The following UNC5C variants were observed in gnomAD, a reference collection of about 807,000 sequenced individuals.
UNC5C encodes unc-5 netrin receptor C, also known as netrin receptor UNC5C.
A neutral mutation model predicts 99.8 loss-of-function variants in UNC5C; 47 were observed. That is an observed-to-expected ratio of 0.47 (90% CI 0.37 to 0.60). The LOEUF is 0.60. Ranked by LOEUF, UNC5C falls within the 20% of genes least tolerant of loss-of-function variation. UNC5C has a pLI of 0.00. For synonymous variants in UNC5C, 487 were observed against 452.2 expected (o/e 1.08, Z -0.98); for missense variants, 1,062 against 1,165.9 (o/e 0.91, Z 1.30).
In UNC5C at chr4:95,169,012, A is replaced by G. The variant is rs1012310239; in HGVS notation, c.*222T>C. 2 of 541,582 alleles carry G rather than the reference A, an allele frequency of 3.7e-6. No homozygotes were observed. The highest frequency in any genetic ancestry group is 3.8e-5 in the African/African-American group (2 of 53,202). The allele number at this position is 541,582 out of a possible 1,614,324, so 33.5% of individuals were successfully genotyped here. A position where few individuals can be genotyped will look rare whatever the true frequency, so the allele number is the denominator to read the frequency against. ...GAAAATTAGGTTGATAGCTAAATTC[A>G]AGGTACAAATTTACACAATTTTTCT... On this transcript the variant is annotated 3_prime_UTR_variant, in exon 16 of 16. Coordinates refer to ENST00000453304, the MANE Select transcript of UNC5C (RefSeq NM_003728.4).
chr4:95,502,008 TGAA>T (rs1721788296), intron 1 of UNC5C, among the ~76,000 whole-genome samples: 1 of 152,172 alleles, frequency 6.6e-6, no homozygotes, highest in Admixed American at 6.5e-5. Context: ...AATCAGCCTC[TGAA>T]GAAGTGACCA....
At chr4:95,443,624 T>C (rs576799519) in intron 1 of UNC5C, among the ~76,000 whole-genome samples, 1 of 152,340 alleles carries the variant, frequency 6.6e-6, no homozygotes, top group African/African-American at 2.4e-5. Flanking sequence ...TTAAAAATGT[T>C]TTCCTTTTAT....
chr4:95,271,890 C>T (rs1211836955), intron 4 of UNC5C, among the ~76,000 whole-genome samples: 1 of 152,192 alleles, frequency 6.6e-6, no homozygotes, highest in Non-Finnish European at 1.5e-5. Context: ...TTCCTCCTTG[C>T]TCACTGGGTC....
chr4:95,416,232 G>T (rs1746161758), intron 1 of UNC5C, among the ~76,000 whole-genome samples: 1 of 152,142 alleles, frequency 6.6e-6, no homozygotes, highest in Admixed American at 6.5e-5. Context: ...TTACTTTAGG[G>T]ACTAGACTAA....
intron 1 of UNC5C, among the ~76,000 whole-genome samples, chr4:95,470,220 G>A (rs573059984): frequency 6.6e-6 from 1 of 151,776 alleles, no homozygotes; most frequent in East Asian, 1.9e-4. Context: ...TACATTTCTA[G>A]GCTACTCGAG....
chr4:95,384,180 C>T (rs1359260618), intron 1 of UNC5C, among the ~76,000 whole-genome samples: 1 of 152,064 alleles, frequency 6.6e-6, no homozygotes, highest in African/African-American at 2.4e-5. Flanking sequence ...CCCATCTGTA[C>T]CTACTTTTTT....
At position 95,381,617 on chromosome 4, in the gene UNC5C, T is replaced by C. The variant is rs368577786; in HGVS notation, c.125-45986A>G. On this transcript the variant is annotated intron_variant, in intron 1 of 15. Coordinates refer to ENST00000453304, the MANE Select transcript of UNC5C (RefSeq NM_003728.4). ...TTTGGAATATGTCTAAACTCAGATA[T>C]TAGAATGTCACATCAAATTGTACCA... Among the ~76,000 whole-genome samples, 9 of 152,178 alleles carry C rather than the reference T, an allele frequency of 5.9e-5. No individual in the cohort carries two copies. The East Asian group carries it at 1.5e-3, about 26-fold the overall frequency.
intron 14 of UNC5C, among the ~76,000 whole-genome samples, chr4:95,181,486 C>T (rs980191728): frequency 9.2e-5 from 14 of 152,144 alleles, no homozygotes; most frequent in African/African-American, 3.4e-4. Context: ...TCACCCCCCT[C>T]CAAAATTCCG....
intron 2 of UNC5C, among the ~76,000 whole-genome samples, chr4:95,317,533 T>G (rs750879414): frequency 1.2e-4 from 18 of 152,238 alleles, no homozygotes; most frequent in Non-Finnish European, 2.1e-4. Context: ...GGCAACAATG[T>G]GGAGAAAGAA....
chr4:95,531,150 TC>T (rs1722632587), intron 1 of UNC5C, among the ~76,000 whole-genome samples: 1 of 152,354 alleles, frequency 6.6e-6, no homozygotes, highest in African/African-American at 2.4e-5. Flanking sequence ...CTTAAATTTT[TC>T]TTTGTTTCCA....
intron 1 of UNC5C, among the ~76,000 whole-genome samples, chr4:95,391,293 G>A (rs1280800027): frequency 6.6e-6 from 1 of 152,138 alleles, no homozygotes; most frequent in Non-Finnish European, 1.5e-5. Flanking sequence ...TAGGGACCAA[G>A]TCTCACTATG....
intron 1 of UNC5C, among the ~76,000 whole-genome samples, chr4:95,385,029 G>A (rs1398796354): frequency 6.6e-6 from 1 of 152,028 alleles, no homozygotes; most frequent in South Asian, 2.1e-4. Context: ...TTGTGCCCAG[G>A]GGGAGGTCTG....
intron 3 of UNC5C, among the ~76,000 whole-genome samples, chr4:95,286,530 T>C (rs184723883): frequency 5.9e-5 from 9 of 152,364 alleles, no homozygotes; most frequent in Admixed American, 5.2e-4. Context: ...TGGGTCCGTG[T>C]TGGTGTGTCC....
chr4:95,339,920 C>A (rs1420443929), intron 1 of UNC5C, among the ~76,000 whole-genome samples: 3 of 151,714 alleles, frequency 2.0e-5, no homozygotes, highest in Non-Finnish European at 4.4e-5. Flanking sequence ...ATTCATTTTA[C>A]CCTCCTCTGA....
At chr4:95,240,261 G>C (rs1393102354) in intron 7 of UNC5C, among the ~76,000 whole-genome samples, 1 of 152,072 alleles carries the variant, frequency 6.6e-6, no homozygotes, top group Non-Finnish European at 1.5e-5. Flanking sequence ...AGAAGCCTTT[G>C]TTTTCCAAAA....
At chr4:95,221,449 CTCA>C (rs1231194374) in intron 7 of UNC5C, among the ~76,000 whole-genome samples, 1 of 152,164 alleles carries the variant, frequency 6.6e-6, no homozygotes, top group Non-Finnish European at 1.5e-5. Flanking sequence ...GGTGAAATAA[CTCA>C]TCATTTCATT....
intron 1 of UNC5C, among the ~76,000 whole-genome samples, chr4:95,347,115 C>T (rs938672241): frequency 3.3e-5 from 5 of 151,930 alleles, no homozygotes; most frequent in African/African-American, 1.2e-4. Flanking sequence ...TTTCTATATG[C>T]CAACAGCAAA....
At chr4:95,399,408 G>C (rs532919352) in intron 1 of UNC5C, among the ~76,000 whole-genome samples, 8 of 152,292 alleles carry the variant, frequency 5.3e-5, no homozygotes, top group African/African-American at 1.9e-4. Flanking sequence ...AAATGCAAAA[G>C]ATTGTTTCTC....
At position 95,367,086 on chromosome 4, in the gene UNC5C, CAT is replaced by C. The variant is rs1243435108; in HGVS notation, c.125-31457_125-31456del. ...GCAGAGTTTATTAATCCCCATTTAA[CAT>C]ATTATATAAAGGCTCAAAAAACTTA... is the stretch of plus-strand genomic sequence containing the variant. On this transcript the variant is annotated intron_variant, in intron 1 of 15. Coordinates refer to ENST00000453304, the MANE Select transcript of UNC5C (RefSeq NM_003728.4). 4.6e-5 allele frequency among the ~76,000 whole-genome samples: 7 copies of C among 152,166 alleles called. No individual in the cohort carries two copies. The East Asian group carries it at 7.7e-4, about 17-fold the overall frequency.
Sources: allele counts gnomAD v4.1 joint callset (sites outside exome capture counted in the v4.1 genomes callset), GRCh38; gene constraint gnomAD v4.1.1; transcripts MANE v1.5; gene names NCBI Gene and HGNC (gene_info 2026-07-23, HGNC 2026-07-21).